Variants in PPP2R2B observed in about 807,000 individuals in gnomAD.
The protein encoded by PPP2R2B is protein phosphatase 2 regulatory subunit Bbeta.
In PPP2R2B, 5 loss-of-function variants were observed where a neutral mutation model predicts 46.0. The observed-to-expected ratio is 0.11, with a 90% CI of 0.06 to 0.23. The LOEUF (loss-of-function observed/expected upper bound fraction) is 0.23. Among genes scored for constraint, PPP2R2B ranks in the 10% least tolerant of loss-of-function variants. The pLI is 1.00. For missense variants in PPP2R2B, 367 were observed against 575.0 expected, an observed-to-expected ratio of 0.64 and a Z score of 3.70; for synonymous variants, 215 against 206.7, an observed-to-expected ratio of 1.04 and a Z score of -0.34.
chr5:146,627,504 A>G (rs1021968076), intron 7 of PPP2R2B, among the ~76,000 whole-genome samples: 1 of 152,192 alleles, frequency 6.6e-6, no homozygotes, highest in African/African-American at 2.4e-5. Context: ...AATTAATTCT[A>G]TGGTTGAAAA....
intron 2 of PPP2R2B, among the ~76,000 whole-genome samples, chr5:146,808,978 TGTG>T (rs1757359632): frequency 6.6e-6 from 1 of 150,402 alleles, no homozygotes; most frequent in Non-Finnish European, 1.5e-5. Context: ...TGTGTGTGTG[TGTG>T]TGTGTGTGTG....
At chr5:146,600,859 T>A (rs538350645) in intron 7 of PPP2R2B, among the ~76,000 whole-genome samples, 2 of 152,330 alleles carry the variant, frequency 1.3e-5, no homozygotes, top group South Asian at 2.1e-4. Context: ...GTTCAGTAGT[T>A]TTTAGTATAA....
intron 2 of PPP2R2B, among the ~76,000 whole-genome samples, chr5:147,078,858 T>G (rs1757881978): frequency 6.6e-6 from 1 of 151,682 alleles, no homozygotes; most frequent in Non-Finnish European, 1.5e-5. Flanking sequence ...AAACTCTAAC[T>G]TAGTAGCTCT....
At chr5:146,934,440 A>G (rs182011242) in intron 1 of PPP2R2B, among the ~76,000 whole-genome samples, 14 of 151,686 alleles carry the variant, frequency 9.2e-5, no homozygotes, top group Middle Eastern at 6.8e-3. Flanking sequence ...CAGTGATGAT[A>G]AGCATTTTTT....
intron 5 of PPP2R2B, among the ~76,000 whole-genome samples, chr5:146,685,343 C>G (rs539079289): frequency 6.6e-6 from 1 of 152,306 alleles, no homozygotes; most frequent in East Asian, 1.9e-4. Flanking sequence ...GGGCAGGATG[C>G]CTAAGTCACA....
intron 7 of PPP2R2B, among the ~76,000 whole-genome samples, chr5:146,632,669 G>A (rs553718597): frequency 6.6e-6 from 1 of 152,340 alleles, no homozygotes; most frequent in African/African-American, 2.4e-5. Context: ...AGAGTGATGA[G>A]ATTGAGAGAT....
At position 146,893,061 on chromosome 5, in the gene PPP2R2B, C is replaced by T. The variant is rs569738680; in HGVS notation, c.79+162604G>A. 2.0e-4 allele frequency among the ~76,000 whole-genome samples: 31 copies of T among 152,288 alleles called. No homozygotes were observed. In the South Asian group the frequency reaches 5.4e-3, roughly 26 times the overall value. Reference sequence around the variant, plus strand: ...GTTTCTTGAAGAACTCTGAGCTCTGCACCTGTTGTGCTCTCTGCCAAGAAT... The same window carrying T: ...GTTTCTTGAAGAACTCTGAGCTCTGTACCTGTTGTGCTCTCTGCCAAGAAT... On this transcript the variant is annotated intron_variant, in intron 1 of 8. Transcript: ENST00000336640.
intron 4 of PPP2R2B, among the ~76,000 whole-genome samples, chr5:146,694,243 C>T (rs1040494950): frequency 6.6e-6 from 1 of 152,144 alleles, no homozygotes; most frequent in African/African-American, 2.4e-5. Flanking sequence ...ATGATTTGTG[C>T]GCTCTGAATT....
At chr5:147,055,568 A>T in intron 1 of PPP2R2B, 1 of 1,037,934 alleles carries the variant, frequency 9.6e-7, no homozygotes, top group Non-Finnish European at 1.5e-6. Context: ...ACAGTCACCT[A>T]GTAGCTACAG....
At chr5:146,810,337 C>T (rs372887103) in intron 2 of PPP2R2B, among the ~76,000 whole-genome samples, 17 of 152,164 alleles carry the variant, frequency 1.1e-4, no homozygotes, top group Admixed American at 7.8e-4. Context: ...CAATGAGAGC[C>T]GAGTGAAAGG....
At chr5:146,896,435 C>T (rs773235732) in intron 1 of PPP2R2B, among the ~76,000 whole-genome samples, 1 of 152,192 alleles carries the variant, frequency 6.6e-6, no homozygotes, top group Non-Finnish European at 1.5e-5. Flanking sequence ...AATGATTCCA[C>T]TTACATTTCT....
chr5:146,668,552 C>T (rs996526877), intron 5 of PPP2R2B, among the ~76,000 whole-genome samples: 11 of 152,186 alleles, frequency 7.2e-5, no homozygotes, highest in Non-Finnish European at 1.3e-4. Flanking sequence ...AAGAAAATTA[C>T]GTAATTACTT....
chr5:146,776,553 GA>G (rs1031480506), intron 2 of PPP2R2B, among the ~76,000 whole-genome samples: 11 of 152,144 alleles, frequency 7.2e-5, no homozygotes, highest in African/African-American at 2.6e-4. Flanking sequence ...ACTGTTGCAA[GA>G]AAATATAATG....
chr5:146,976,878 T>C (rs2151852127), intron 1 of PPP2R2B, among the ~76,000 whole-genome samples: 1 of 152,276 alleles, frequency 6.6e-6, no homozygotes, highest in East Asian at 1.9e-4. Flanking sequence ...AACACCTTCC[T>C]ACCCATCACT....
At chr5:146,722,485 A>T (rs1179878135) in intron 2 of PPP2R2B, among the ~76,000 whole-genome samples, 1 of 152,210 alleles carries the variant, frequency 6.6e-6, no homozygotes, top group African/African-American at 2.4e-5. Context: ...CAGGAAACAA[A>T]CTAAAAGTCA....
At chr5:147,026,027 G>T (rs150585299) in intron 1 of PPP2R2B, among the ~76,000 whole-genome samples, 1 of 152,044 alleles carries the variant, frequency 6.6e-6, no homozygotes, top group African/African-American at 2.4e-5. Context: ...ATACATTGCT[G>T]GTGAGAATGT....
At chr5:146,693,253 C>T (rs1778984227) in intron 4 of PPP2R2B, among the ~76,000 whole-genome samples, 1 of 151,852 alleles carries the variant, frequency 6.6e-6, no homozygotes, top group Non-Finnish European at 1.5e-5. Context: ...CTCACTCTGT[C>T]ACCTAGGCTG....
At chr5:146,705,259 C>T (rs1028815577) in intron 2 of PPP2R2B, among the ~76,000 whole-genome samples, 1 of 152,152 alleles carries the variant, frequency 6.6e-6, no homozygotes, top group African/African-American at 2.4e-5. Flanking sequence ...CTACTCAATA[C>T]CTGGCTTTAT....
At chr5:146,957,206 C>T (rs1476110962) in intron 1 of PPP2R2B, among the ~76,000 whole-genome samples, 4 of 152,178 alleles carry the variant, frequency 2.6e-5, no homozygotes, top group African/African-American at 9.7e-5. Flanking sequence ...ACATACACTA[C>T]CCAGGTGAGT....
Sources: allele counts gnomAD v4.1 joint callset (sites outside exome capture counted in the v4.1 genomes callset), GRCh38; gene constraint gnomAD v4.1.1; transcripts MANE v1.5; gene names NCBI Gene and HGNC (gene_info 2026-07-23, HGNC 2026-07-21).